PPP1R16B: variants seen among roughly 807,000 people sequenced by gnomAD.
PPP1R16B encodes the protein protein phosphatase 1 regulatory subunit 16B.
PPP1R16B carries 14 observed loss-of-function variants against 61.7 expected under a neutral mutation model. The ratio of observed to expected loss-of-function variants is 0.23; its 90% CI spans 0.15 to 0.35. The LOEUF (loss-of-function observed/expected upper bound fraction) is 0.35, where lower values mean the gene tolerates loss of function less well. Ranked by LOEUF, PPP1R16B falls within the 10% of genes least tolerant of loss-of-function variation. The pLI is 1.00. For missense variants in PPP1R16B, 547 were observed against 752.5 expected (o/e 0.73, Z 3.19); for synonymous variants, 266 against 305.3 (o/e 0.87, Z 1.34).
At chr20:38,824,649 G>T (rs1362378437) in intron 1 of PPP1R16B, among the ~76,000 whole-genome samples, 1 of 152,242 alleles carries the variant, frequency 6.6e-6, no homozygotes, top group Non-Finnish European at 1.5e-5. Flanking sequence ...TTTCCTTCAA[G>T]TTCAATTCTA....
At chr20:38,807,322 C>T (rs1452945130) in intron 1 of PPP1R16B, among the ~76,000 whole-genome samples, 1 of 152,190 alleles carries the variant, frequency 6.6e-6, no homozygotes, top group South Asian at 2.1e-4. Context: ...CTCTAAGATA[C>T]GGGGCTAACA....
intron 10 of PPP1R16B, among the ~76,000 whole-genome samples, chr20:38,916,459 A>C (rs60162252): frequency 0.021 from 3,226 of 150,726 alleles, 128 homozygotes; most frequent in African/African-American, 0.075. Context: ...ATATATATAT[A>C]TCTTGGACAT....
At chr20:38,828,684 T>C (rs530126446) in intron 1 of PPP1R16B, among the ~76,000 whole-genome samples, 1 of 152,298 alleles carries the variant, frequency 6.6e-6, no homozygotes, top group South Asian at 2.1e-4. Flanking sequence ...AAGAGAGAGC[T>C]TCTGATTGGG....
chr20:38,838,684 AC>A (rs1471013451), intron 2 of PPP1R16B, among the ~76,000 whole-genome samples: 1 of 151,938 alleles, frequency 6.6e-6, no homozygotes, highest in Non-Finnish European at 1.5e-5. Flanking sequence ...CTCTTCTCTC[AC>A]CCCTCGTTAT....
chr20:38,871,112 C>T (rs2085126037), intron 2 of PPP1R16B, among the ~76,000 whole-genome samples: 1 of 152,200 alleles, frequency 6.6e-6, no homozygotes, highest in African/African-American at 2.4e-5. Context: ...GTGCCCTCCT[C>T]TCACTAGAGA....
chr20:38,900,090 G>A (rs1042689172), intron 4 of PPP1R16B, among the ~76,000 whole-genome samples: 6 of 152,056 alleles, frequency 3.9e-5, no homozygotes, highest in African/African-American at 9.7e-5. Flanking sequence ...CACTGTGCCC[G>A]GTCATGTCTG....
chr20:38,851,857 C>CCAAAAA (rs376863373), intron 2 of PPP1R16B, among the ~76,000 whole-genome samples: 42 of 152,252 alleles, frequency 2.8e-4, no homozygotes, highest in East Asian at 5.8e-4. Flanking sequence ...TGTATCTCTA[C>CCAAAAA]CAAAAACAAA....
At chr20:38,846,060 G>A (rs2084934061) in intron 2 of PPP1R16B, among the ~76,000 whole-genome samples, 1 of 152,160 alleles carries the variant, frequency 6.6e-6, no homozygotes. Flanking sequence ...ACATCTAGGT[G>A]GATGACAGTG....
At chr20:38,908,470 G>A (rs2085464474) in intron 10 of PPP1R16B, among the ~76,000 whole-genome samples, 2 of 152,206 alleles carry the variant, frequency 1.3e-5, no homozygotes, top group Non-Finnish European at 2.9e-5. Context: ...TAATTGACAG[G>A]GGGTGAGTGT....
chr20:38,814,188 T>G (rs1454783085), intron 1 of PPP1R16B, among the ~76,000 whole-genome samples: 1 of 152,200 alleles, frequency 6.6e-6, no homozygotes, highest in Non-Finnish European at 1.5e-5. Flanking sequence ...AGCCAGTAAA[T>G]GGAAAAGTCA....
At chr20:38,881,598 C>G (rs959869819) in intron 2 of PPP1R16B, among the ~76,000 whole-genome samples, 6 of 152,202 alleles carry the variant, frequency 3.9e-5, no homozygotes, top group African/African-American at 1.2e-4. Flanking sequence ...GGAGATGCAG[C>G]AGGGAGACCG....
chr20:38,819,511 G>A (rs1273925467), intron 1 of PPP1R16B, among the ~76,000 whole-genome samples: 1 of 152,110 alleles, frequency 6.6e-6, no homozygotes, highest in Non-Finnish European at 1.5e-5. Flanking sequence ...AATATATTAT[G>A]TATATGACTA....
rs182402648 is a variant in PPP1R16B, at chr20:38,884,186, C to T, written c.251-5409C>T. Among the ~76,000 whole-genome samples, 329 of 152,276 alleles carry T rather than the reference C, an allele frequency of 2.2e-3. 2 individuals are homozygous for T. The highest frequency in any genetic ancestry group is 7.5e-3 in the African/African-American group (311 of 41,548). On this transcript the variant is annotated intron_variant, in intron 2 of 10. Transcript: ENST00000299824. ...GTGCTCCAGAGAGCAAGAGATGAGC[C>T]GGGAGAGGTAGGGAGACAGGACCCC...
intron 5 of PPP1R16B, 36 bp from the exon 6 acceptor site, chr20:38,902,632 G>A (rs769009656): frequency 3.7e-6 from 6 of 1,613,718 alleles, no homozygotes; most frequent in Non-Finnish European, 5.1e-6. Flanking sequence ...TCGTAGGCCT[G>A]AGGGTGCTAA....
rs553300440 is a variant in PPP1R16B, at chr20:38,875,562, G to A, written c.251-14033G>A. The stretch of plus-strand genomic sequence containing the variant: ...TTGTTTTGACATGGGAACCGAGTCT[G>A]TATCAGAAATGACAAAATCAAACAC... On this transcript the variant is annotated intron_variant, in intron 2 of 10. Transcript: ENST00000299824. Among the ~76,000 whole-genome samples, 3 of 152,316 alleles carry A rather than the reference G, an allele frequency of 2.0e-5. No homozygotes were observed. The South Asian group carries it at 6.2e-4, about 32-fold the overall frequency.
At chr20:38,868,716 G>T (rs543777) in intron 2 of PPP1R16B, among the ~76,000 whole-genome samples, 1 of 151,838 alleles carries the variant, frequency 6.6e-6, no homozygotes, top group Non-Finnish European at 1.5e-5. Context: ...TTCACCAATT[G>T]GATCCAGATT....
At chr20:38,838,106 G>A (rs528754072) in intron 2 of PPP1R16B, 1 of 152,234 alleles carries the variant, frequency 6.6e-6, no homozygotes, top group Non-Finnish European at 1.5e-5. Flanking sequence ...TTTGCTTCCT[G>A]TTGTAGGAAT....
At chr20:38,900,720 C>G in intron 5 of PPP1R16B, 36 bp downstream of exon 5, 1 of 1,475,908 alleles carries the variant, frequency 6.8e-7, no homozygotes, top group Non-Finnish European at 9.1e-7. Flanking sequence ...GTGAGCACAG[C>G]ACAGAGTTGC....
At chr20:38,883,203 C>T (rs2085215383) in intron 2 of PPP1R16B, among the ~76,000 whole-genome samples, 1 of 152,244 alleles carries the variant, frequency 6.6e-6, no homozygotes. Context: ...CCAAGGTCCA[C>T]CTCCACTGGG....
Sources: allele counts gnomAD v4.1 joint callset (sites outside exome capture counted in the v4.1 genomes callset), GRCh38; gene constraint gnomAD v4.1.1; transcripts MANE v1.5; gene names NCBI Gene and HGNC (gene_info 2026-07-23, HGNC 2026-07-21).